The following NPAS3 variants were observed in gnomAD, a reference collection of about 807,000 sequenced individuals.
NPAS3 encodes neuronal PAS domain protein 3, also known as neuronal PAS domain-containing protein 3.
Under a neutral mutation model 73.1 loss-of-function variants are expected in NPAS3, and 14 were observed. The ratio of observed to expected loss-of-function variants is 0.19; its 90% CI spans 0.13 to 0.30. The LOEUF is 0.30. NPAS3 is among the 10% of genes least tolerant of loss of function. NPAS3 has a pLI of 1.00. For synonymous variants in NPAS3, 620 were observed against 541.5 expected, an observed-to-expected ratio of 1.14 and a Z score of -2.01; for missense variants, 1,096 against 1,250.0, an observed-to-expected ratio of 0.88 and a Z score of 1.86.
intron 1 of NPAS3, among the ~76,000 whole-genome samples, chr14:32,973,582 G>A (rs1435997373): frequency 1.3e-5 from 2 of 148,278 alleles, no homozygotes; most frequent in Non-Finnish European, 3.0e-5. Context: ...GTTGCCCAGG[G>A]TGGAATGCAA....
intron 3 of NPAS3, among the ~76,000 whole-genome samples, chr14:33,273,309 G>A (rs1594569996): frequency 6.6e-6 from 1 of 152,132 alleles, no homozygotes; most frequent in African/African-American, 2.4e-5. Context: ...TTAAACAGGG[G>A]CCTCTCTCAA....
intron 3 of NPAS3, among the ~76,000 whole-genome samples, chr14:33,249,341 C>A (rs984042135): frequency 1.7e-5 from 1 of 58,418 alleles, no homozygotes; most frequent in Non-Finnish European, 3.1e-5. Context: ...TAATTCCCGT[C>A]CCCCCCACCT....
At chr14:33,248,560 C>A (rs914697165) in intron 3 of NPAS3, among the ~76,000 whole-genome samples, 1 of 152,056 alleles carries the variant, frequency 6.6e-6, no homozygotes, top group African/African-American at 2.4e-5. Context: ...CTTGCTATAT[C>A]TAGCTGGAAA....
intron 1 of NPAS3, among the ~76,000 whole-genome samples, chr14:32,942,152 ATCC>A (rs1198689732): frequency 2.6e-5 from 4 of 152,206 alleles, no homozygotes; most frequent in East Asian, 1.9e-4. Context: ...TTTAAATGGT[ATCC>A]TCCTATTTAT....
intron 2 of NPAS3, among the ~76,000 whole-genome samples, chr14:33,072,068 T>A (rs1209402394): frequency 6.6e-6 from 1 of 152,060 alleles, no homozygotes; most frequent in Non-Finnish European, 1.5e-5. Context: ...TTTTTGTACT[T>A]TTAGTAGAGA....
chr14:33,483,424 A>G (rs922707752), intron 4 of NPAS3, among the ~76,000 whole-genome samples: 1 of 152,180 alleles, frequency 6.6e-6, no homozygotes, highest in Non-Finnish European at 1.5e-5. Flanking sequence ...TTATACCTTT[A>G]TTATCTATCC....
intron 5 of NPAS3, among the ~76,000 whole-genome samples, chr14:33,571,135 G>T (rs935385575): frequency 1.3e-5 from 2 of 152,214 alleles, no homozygotes; most frequent in Non-Finnish European, 2.9e-5. Flanking sequence ...CCTTTTGTCT[G>T]TTAGACATTG....
intron 3 of NPAS3, among the ~76,000 whole-genome samples, chr14:33,357,315 A>G (rs181243339): frequency 6.6e-6 from 1 of 152,358 alleles, no homozygotes; most frequent in Non-Finnish European, 1.5e-5. Flanking sequence ...GGCATGAGTG[A>G]ATCCTTCAAA....
intron 1 of NPAS3, among the ~76,000 whole-genome samples, chr14:32,988,987 TATCTGCC>T (rs2038206950): frequency 6.6e-6 from 1 of 152,190 alleles, no homozygotes; most frequent in African/African-American, 2.4e-5. Flanking sequence ...CTAGACATGG[TATCTGCC>T]ATCTAGGATC....
At position 33,469,974 on chromosome 14, in the gene NPAS3, G is replaced by A. The variant is rs184529856; in HGVS notation, c.469-90147G>A. The stretch of plus-strand genomic sequence containing the variant: ...TCAGGGGGCCAGCTCAAGGGCTTGG[G>A]TTTGGAATAGTCTGCAGCCACACTC... On this transcript the variant is annotated intron_variant, in intron 4 of 11. Transcript: ENST00000356141. Among the ~76,000 whole-genome samples, 360 of 152,246 alleles carry A rather than the reference G, an allele frequency of 2.4e-3. 2 individuals are homozygous for A. The highest frequency in any genetic ancestry group is 8.1e-3 in the African/African-American group (338 of 41,538).
chr14:33,761,856 T>C (rs2062302983), intron 7 of NPAS3, among the ~76,000 whole-genome samples: 1 of 152,212 alleles, frequency 6.6e-6, no homozygotes, highest in South Asian at 2.1e-4. Flanking sequence ...TGTAAAATAA[T>C]TCTCCATCCC....
At chr14:33,676,417 T>G (rs552011820) in intron 6 of NPAS3, 32 bp downstream of exon 6, 1 of 1,523,300 alleles carries the variant, frequency 6.6e-7, no homozygotes, top group African/African-American at 1.4e-5. Context: ...TGTGGGTTGG[T>G]GGGCAGGACC....
chr14:33,298,708 G>A (rs1354161196), intron 3 of NPAS3, among the ~76,000 whole-genome samples: 3 of 152,106 alleles, frequency 2.0e-5, no homozygotes, highest in African/African-American at 7.2e-5. Context: ...ATTCTAGGAA[G>A]ATAATGTATA....
intron 4 of NPAS3, among the ~76,000 whole-genome samples, chr14:33,429,290 G>A (rs17101092): frequency 2.0e-5 from 3 of 151,918 alleles, no homozygotes; most frequent in Non-Finnish European, 4.4e-5. Flanking sequence ...AGCTGGTTAC[G>A]GGTTGAGTCA....
intron 4 of NPAS3, among the ~76,000 whole-genome samples, chr14:33,496,649 A>AC (rs1191936359): frequency 2.0e-5 from 3 of 151,996 alleles, no homozygotes; most frequent in Admixed American, 2.0e-4. Context: ...AAAATTCAAC[A>AC]CCCTTCATGC....
rs539898929 is a variant in NPAS3, at chr14:32,974,444, A to T, written c.50+35078A>T. ...GGTGTTTGGTGATATCTGAATTTGAATTTGGAAATGTGATGAAGGAAAAGA... is the reference window on the plus strand; with the variant it reads ...GGTGTTTGGTGATATCTGAATTTGATTTTGGAAATGTGATGAAGGAAAAGA... On this transcript the variant is annotated intron_variant, in intron 1 of 11. Coordinates refer to ENST00000356141, the Ensembl canonical transcript of NPAS3. Among the ~76,000 whole-genome samples the T allele has an allele frequency of 9.4e-4, 143 of 152,336 alleles. 1 individual carries two copies. Among genetic ancestry groups the T allele is most frequent in the Non-Finnish European group, 1.7e-3 (115 of 68,032 alleles).
At chr14:33,195,257 T>G (rs543188060) in intron 2 of NPAS3, among the ~76,000 whole-genome samples, 25 of 150,314 alleles carry the variant, frequency 1.7e-4, no homozygotes, top group South Asian at 8.5e-4. Flanking sequence ...TAAAAAAGGG[T>G]TTTTTTTTGT....
chr14:33,035,434 T>G lies in NPAS3; in HGVS notation c.51-20471T>G, dbSNP rs74041765. Among the ~76,000 whole-genome samples, 307 of 152,332 alleles carry G rather than the reference T, an allele frequency of 2.0e-3. 1 individual carries two copies. Among genetic ancestry groups the G allele is most frequent in the African/African-American group, 7.0e-3 (292 of 41,574 alleles). The stretch of plus-strand genomic sequence containing the variant: ...TTCATGCTGTATTAGAGCTTAACCT[T>G]GGCTGTGCACACGTCTGATCTCCCC... On this transcript the variant is annotated intron_variant, in intron 1 of 11. Transcript: ENST00000356141.
chr14:33,637,015 TCAGGG>T (rs1323298246), intron 5 of NPAS3, among the ~76,000 whole-genome samples: 1 of 152,182 alleles, frequency 6.6e-6, no homozygotes, highest in Non-Finnish European at 1.5e-5. Flanking sequence ...TCTTCCGGCA[TCAGGG>T]TAGGCAGAGA....
Sources: gnomAD v4.1 joint callset for allele counts (sites outside exome capture counted in the v4.1 genomes callset) on GRCh38, gnomAD v4.1.1 for gene constraint, MANE v1.5 for transcripts, NCBI Gene and HGNC (gene_info 2026-07-23, HGNC 2026-07-21) for gene names.